CERS6: variants seen among roughly 807,000 people sequenced by gnomAD.
CERS6 encodes the protein ceramide synthase 6.
CERS6 carries 26 observed loss-of-function variants against 56.8 expected under a neutral mutation model. The ratio of observed to expected loss-of-function variants is 0.46; its 90% CI spans 0.34 to 0.63. The LOEUF is 0.63. Ranked by LOEUF, CERS6 falls within the 30% of genes least tolerant of loss-of-function variation. CERS6 has a pLI of 0.01. For missense variants in CERS6, 415 were observed against 467.5 expected (o/e 0.89, Z 1.04); for synonymous variants, 164 against 173.3 (o/e 0.95, Z 0.42).
intron 4 of CERS6, among the ~76,000 whole-genome samples, chr2:168,670,202 C>A (rs1685873438): frequency 6.6e-6 from 1 of 152,144 alleles, no homozygotes; most frequent in Non-Finnish European, 1.5e-5. Flanking sequence ...TAGAAAATCA[C>A]ACTATTTTTT....
Position 168,456,825 on chromosome 2 carries a change from C to A in CERS6, c.170+207C>A, listed in dbSNP as rs1214948976. On this transcript the variant is annotated intron_variant, in intron 1 of 9. Transcript: ENST00000305747. This position sits in a 1 kb window ranked among gnomAD's most constrained non-coding sequence, Gnocchi z 4.1. The stretch of plus-strand genomic sequence containing the variant: ...GTCTGGCTTGCCACGGATTTCCTCC[C>A]GGGCGCCGGGGAGGAGCCGCGGAGC... Among the ~76,000 whole-genome samples the A allele has an allele frequency of 6.6e-6, 1 of 152,188 alleles. No homozygotes were observed. The highest frequency in any genetic ancestry group is 1.5e-5 in the Non-Finnish European group (1 of 68,018).
intron 3 of CERS6, among the ~76,000 whole-genome samples, chr2:168,584,959 G>T (rs1313867720): frequency 6.6e-6 from 1 of 152,230 alleles, no homozygotes; most frequent in East Asian, 1.9e-4. Context: ...CAATTTTTGA[G>T]CTCTCATTGA....
At chr2:168,684,938 C>T (rs1321230621) in intron 4 of CERS6, among the ~76,000 whole-genome samples, 1 of 152,060 alleles carries the variant, frequency 6.6e-6, no homozygotes, top group African/African-American at 2.4e-5. Context: ...AGTAAATCCT[C>T]AATGTAAGCA....
At chr2:168,656,194 G>A (rs1048053515) in intron 4 of CERS6, among the ~76,000 whole-genome samples, 1 of 152,200 alleles carries the variant, frequency 6.6e-6, no homozygotes, top group Non-Finnish European at 1.5e-5. Context: ...ATGTGGAACA[G>A]GCATTCCTTT....
intron 2 of CERS6, among the ~76,000 whole-genome samples, chr2:168,560,977 T>C (rs1053684876): frequency 2.0e-5 from 3 of 152,206 alleles, no homozygotes; most frequent in Non-Finnish European, 4.4e-5. Flanking sequence ...TGTTTCTAAA[T>C]GTTGTTTCAT....
intron 2 of CERS6, among the ~76,000 whole-genome samples, chr2:168,555,107 G>A (rs143750968): frequency 1.3e-5 from 2 of 152,024 alleles, no homozygotes; most frequent in African/African-American, 4.8e-5. Flanking sequence ...TCTGAATGTA[G>A]AGACTGTACT....
intron 9 of CERS6, chr2:168,766,477 A>C: frequency 1.2e-6 from 1 of 810,780 alleles, no homozygotes; most frequent in South Asian, 1.4e-5. Flanking sequence ...GCTTCATGTG[A>C]GCTGTAGCTC....
chr2:168,721,938 A>T (rs1255485070), intron 8 of CERS6, among the ~76,000 whole-genome samples: 2 of 152,262 alleles, frequency 1.3e-5, no homozygotes, highest in South Asian at 4.2e-4. Context: ...TCTTTTACAG[A>T]GTTGCAGCAC....
chr2:168,726,107 T>G (rs1683343378), intron 8 of CERS6, among the ~76,000 whole-genome samples: 1 of 152,246 alleles, frequency 6.6e-6, no homozygotes, highest in Admixed American at 6.5e-5. Flanking sequence ...TCAGTATTTG[T>G]TAAGTGAATT....
chr2:168,471,297 G>T (rs1693973221), intron 1 of CERS6, among the ~76,000 whole-genome samples: 2 of 152,162 alleles, frequency 1.3e-5, no homozygotes, highest in Admixed American at 6.5e-5. Flanking sequence ...ATGGTCTGTT[G>T]TTCTCACATT....
At chr2:168,705,502 GAAGA>G in intron 6 of CERS6, among the ~76,000 whole-genome samples, 1 of 152,306 alleles carries the variant, frequency 6.6e-6, no homozygotes, top group South Asian at 2.1e-4. Flanking sequence ...TCAGGCAGTT[GAAGA>G]AAGAGGAGTT....
At chr2:168,467,020 T>A (rs1286372249) in intron 1 of CERS6, among the ~76,000 whole-genome samples, 5 of 152,230 alleles carry the variant, frequency 3.3e-5, no homozygotes, top group Admixed American at 6.5e-5. Flanking sequence ...GATTGTATTT[T>A]CTTTCTTTCC....
intron 1 of CERS6, among the ~76,000 whole-genome samples, chr2:168,462,304 C>G (rs1019485526): frequency 1.3e-5 from 2 of 151,976 alleles, no homozygotes; most frequent in Non-Finnish European, 2.9e-5. Context: ...TCTTAGGAAC[C>G]ATTTTTTCAT....
At chr2:168,472,596 G>A (rs1339534475) in intron 1 of CERS6, among the ~76,000 whole-genome samples, 1 of 152,132 alleles carries the variant, frequency 6.6e-6, no homozygotes, top group African/African-American at 2.4e-5. Flanking sequence ...TACTGAAAAA[G>A]GAATGGGAAG....
intron 3 of CERS6, among the ~76,000 whole-genome samples, chr2:168,600,501 G>C (rs1286200106): frequency 2.0e-5 from 3 of 152,148 alleles, no homozygotes; most frequent in African/African-American, 7.2e-5. Flanking sequence ...ACCACGCCCG[G>C]CCTGCCATAC....
Position 168,671,590 on chromosome 2 carries a change from T to C in CERS6, c.466-19444T>C, listed in dbSNP as rs895637373. On this transcript the variant is annotated intron_variant, in intron 4 of 9. Coordinates refer to ENST00000305747, the MANE Select transcript of CERS6 (RefSeq NM_203463.3). Reference sequence around the variant, plus strand: ...GTCTCATTATAAAACAGTTTGATATTACAATGAGTGGATTTATTTCTATCT... The same window carrying C: ...GTCTCATTATAAAACAGTTTGATATCACAATGAGTGGATTTATTTCTATCT... Among the ~76,000 whole-genome samples, 3 of 152,206 alleles carry C rather than the reference T, an allele frequency of 2.0e-5. No individual in the cohort carries two copies. The South Asian group carries it at 6.2e-4, about 31-fold the overall frequency.
rs1242107262 is a variant in CERS6 at position 168,645,089 on chromosome 2, TTAAAAAAAAAAA to T, written c.465+14048_465+14059del. The stretch of plus-strand genomic sequence containing the variant: ...CTGGGTGACAGAGCGAGACTGCATC[TTAAAAAAAAAAA>T]AAAAAAAAAAAAAAAATATATATAT... On this transcript the variant is annotated intron_variant, in intron 4 of 9. Transcript: ENST00000305747. 3.2e-3 allele frequency among the ~76,000 whole-genome samples: 33 copies of T among 10,312 alleles called. 2 individuals carry two copies. The highest frequency in any genetic ancestry group is 6.4e-3 in the African/African-American group (29 of 4,556). 6.8% of individuals were successfully genotyped at this position (10,312 alleles called of 152,430 possible). A position where few individuals can be genotyped will look rare whatever the true frequency, so the allele number is the denominator to read the frequency against.
At chr2:168,537,677 T>C (rs1233631243) in intron 1 of CERS6, among the ~76,000 whole-genome samples, 2 of 152,238 alleles carry the variant, frequency 1.3e-5, no homozygotes, top group African/African-American at 4.8e-5. Flanking sequence ...GGTTTATTTC[T>C]TGAATCTCCT....
intron 2 of CERS6, among the ~76,000 whole-genome samples, chr2:168,560,512 C>T (rs983347081): frequency 3.3e-5 from 5 of 151,960 alleles, no homozygotes; most frequent in Admixed American, 1.3e-4. Context: ...CATCTCTTGC[C>T]GCTTCACCAA....
Sources: allele counts gnomAD v4.1 joint callset (sites outside exome capture counted in the v4.1 genomes callset), GRCh38; gene constraint gnomAD v4.1.1; non-coding constraint Gnocchi (gnomAD v3.1); transcripts MANE v1.5; gene names NCBI Gene and HGNC (gene_info 2026-07-23, HGNC 2026-07-21).